HSPG2: variants seen among roughly 807,000 people sequenced by gnomAD.
The protein encoded by HSPG2 is heparan sulfate proteoglycan 2.
In HSPG2, 278 loss-of-function variants were observed where a neutral mutation model predicts 526.6. The ratio of observed to expected loss-of-function variants is 0.53; its 90% confidence interval spans 0.48 to 0.58. The LOEUF (loss-of-function observed/expected upper bound fraction) is 0.58. Ranked by LOEUF, HSPG2 falls within the 20% of genes least tolerant of loss-of-function variation. The pLI, the probability that HSPG2 is intolerant of heterozygous loss-of-function variation, is 0.00. For synonymous variants in HSPG2, 2,465 were observed against 2,555.4 expected (o/e 0.96, Z 1.07); for missense variants, 5,354 against 6,099.5 (o/e 0.88, Z 4.07).
chr1:21,900,842 A>G (rs1643060920), intron 1 of HSPG2, among the ~76,000 whole-genome samples: 1 of 152,018 alleles, frequency 6.6e-6, no homozygotes. Context: ...CCGAGATTGC[A>G]CCACTGTACT....
At chr1:21,892,726 T>C (rs1642453921) in intron 3 of HSPG2, among the ~76,000 whole-genome samples, 1 of 151,918 alleles carries the variant, frequency 6.6e-6, no homozygotes. Flanking sequence ...GGCGTGGTAG[T>C]GCATGCCTGT....
chr1:21,928,632 G>A (rs1475874190), intron 1 of HSPG2, among the ~76,000 whole-genome samples: 2 of 152,058 alleles, frequency 1.3e-5, no homozygotes, highest in Non-Finnish European at 2.9e-5. Flanking sequence ...TAGTAGAGAC[G>A]GGGTTTCACC....
In HSPG2 at chr1:21,865,421, G is replaced by C; in HGVS notation, c.4315-56C>G. ...AGCCGAGGGGTCCCTGGGGTGCCAG[G>C]GTGTCCTCCACCAGTCCTAGATTCT... On this transcript the variant is annotated intron_variant, in intron 34 of 96. Transcript: ENST00000374695. The surrounding 1 kb of genome is among the most constrained non-coding windows in gnomAD (Gnocchi z 5.4). The C allele has an allele frequency of 4.0e-6, 6 of 1,514,910 alleles. No individual in the cohort carries two copies. Among genetic ancestry groups the C allele is most frequent in the Non-Finnish European group, 5.5e-6 (6 of 1,090,920 alleles). 93.8% of individuals were successfully genotyped at this position (1,514,910 alleles called of 1,614,324 possible).
chr1:21,842,646 G>A (rs7536441), intron 67 of HSPG2, 124 bp downstream of exon 67: 8 of 1,309,340 alleles, frequency 6.1e-6, no homozygotes, highest in African/African-American at 4.4e-5. Context: ...AACTCGTCCC[G>A]CAAACGTATT....
chr1:21,915,067 GGCCTTTGTT>G lies in HSPG2; in HGVS notation c.64-18766_64-18758del, dbSNP rs545433036. Among the ~76,000 whole-genome samples, 40 of 20,888 alleles carry G rather than the reference GGCCTTTGTT, an allele frequency of 1.9e-3. 2 individuals are homozygous for G. In the South Asian group the frequency reaches 0.28, roughly 145 times the overall value. The allele number at this position is 20,888 out of a possible 152,430, so 13.7% of individuals were successfully genotyped here. On this transcript the variant is annotated intron_variant, in intron 1 of 96. Transcript: ENST00000374695. Reference sequence around the variant, plus strand: ...CTGACCAGGCGGAGGGTCCATGATTGGCCTTTGTTACCTTTGTTACCAAGGGTGCCAGCG... The same window carrying G: ...CTGACCAGGCGGAGGGTCCATGATTGACCTTTGTTACCAAGGGTGCCAGCG...
chr1:21,838,767 T>C lies in HSPG2; in HGVS notation c.10150+58A>G, dbSNP rs979541587. The C allele has an allele frequency of 6.3e-6, 10 of 1,582,630 alleles. No homozygotes were observed. In the African/African-American group the frequency reaches 1.3e-4, roughly 21 times the overall value. On this transcript the variant is annotated intron_variant, in intron 74 of 96. Transcript: ENST00000374695. The stretch of plus-strand genomic sequence containing the variant: ...TCCCACCCGAGTCTGCCTAGCTGGG[T>C]CATCAAAGGGCCAGGAGGAAAGGTG...
intron 87 of HSPG2, 24 bp from the exon 88 acceptor site, chr1:21,829,103 TGGGCACATGG>T (rs2097990406): frequency 6.5e-7 from 1 of 1,529,820 alleles, no homozygotes; most frequent in African/African-American, 1.4e-5. Context: ...CAGGCAGGGT[TGGGCACATGG>T]GGGCACACGG....
At position 21,846,592 on chromosome 1, in the gene HSPG2, G is replaced by A. The variant is rs773666902; in HGVS notation, c.8172C>T (p.Gly2724=). ...ACTCAATTCTGATGGGCATGGAGCT[G>A]CCAGGGGCTGGGGGAACAGAGATCA... ...SPSAGSPSAP[G]SSMPIRIESS... The change falls in exon 63 of 97, where the codon GGC becomes GGT. Residue 2724 remains glycine, a synonymous_variant. Transcript: ENST00000374695. 14 of 1,613,606 alleles carry A rather than the reference G, an allele frequency of 8.7e-6. No individual in the cohort carries two copies. The highest frequency in any genetic ancestry group is 1.0e-5 in the Non-Finnish European group (12 of 1,180,040).
rs376529257 is a variant in HSPG2, at chr1:21,831,826, A to T, written c.11208-30T>A. 3.8e-6 allele frequency: 6 copies of T among 1,575,468 alleles called. No homozygotes were observed. In the African/African-American group the frequency reaches 8.1e-5, roughly 21 times the overall value. On this transcript the variant is annotated intron_variant, in intron 81 of 96. Transcript: ENST00000374695. ...TCCGTGGGGCAGGCCGGGGCAGGAG[A>T]GAGTGGATAGGGGGTTTGTAAGAAG...
In HSPG2 at chr1:21,833,229, C is replaced by T. The variant is rs1466620410; in HGVS notation, c.11095+39G>A. On this transcript the variant is annotated intron_variant, in intron 80 of 96. Coordinates refer to ENST00000374695, the MANE Select transcript of HSPG2 (RefSeq NM_005529.7). ...CAGTTACTCCACGAGGTCCCTCAACCCAGGCCAGCCCACCCCGCAAATTAA... is the reference window on the plus strand; with the variant it reads ...CAGTTACTCCACGAGGTCCCTCAACTCAGGCCAGCCCACCCCGCAAATTAA... 3 of 1,560,496 alleles carry T rather than the reference C, an allele frequency of 1.9e-6. No homozygotes were observed. The African/African-American group carries it at 4.1e-5, about 21-fold the overall frequency.
intron 33 of HSPG2, among the ~76,000 whole-genome samples, chr1:21,866,978 C>G (rs763056878): frequency 8.5e-5 from 13 of 152,084 alleles, no homozygotes; most frequent in Non-Finnish European, 1.5e-4. Flanking sequence ...CTTTGAATGC[C>G]AGAAAGTTCA....
Position 21,875,849 on chromosome 1 carries a change from A to T in HSPG2, c.3183+14T>A. ...CTGCCCGCACCCCTACCCCCAGGGG[A>T]CAGTATTGCTCACCTCCCGGAAAGG... is the stretch of plus-strand genomic sequence containing the variant. On this transcript the variant is annotated intron_variant, in intron 24 of 96. Coordinates refer to ENST00000374695, the MANE Select transcript of HSPG2 (RefSeq NM_005529.7). 6.2e-7 allele frequency: 1 copy of T among 1,613,590 alleles called. No individual in the cohort carries two copies. Among genetic ancestry groups the T allele is most frequent in the Non-Finnish European group, 8.5e-7 (1 of 1,179,880 alleles).
At chr1:21,845,934 C>T (rs934919761) in intron 64 of HSPG2, among the ~76,000 whole-genome samples, 174 bp downstream of exon 64, 2 of 152,354 alleles carry the variant, frequency 1.3e-5, no homozygotes, top group South Asian at 2.1e-4. Context: ...AACCACTCCA[C>T]CTGAGCCGGC....
Position 21,850,365 on chromosome 1 carries a change from G to A in HSPG2, c.7292C>T (p.Pro2431Leu). Residue 2431 changes from proline to leucine, a missense_variant and splice_region_variant, in exon 56 of 97, where the codon CCT (proline) becomes CTT (leucine). Physicochemically the swap from Pro to Leu is moderately conservative, Grantham distance 98. Coordinates refer to ENST00000374695, the MANE Select transcript of HSPG2 (RefSeq NM_005529.7). The part of the protein sequence containing the change: ...LVTIEPAGSV[P>L]ALGVTPTVRI... ...TGCCCTCCCTGAGAGCTACTCACCAGGCACTGAGCCCGCAGGCTCAATGGT... is the reference window on the plus strand; with the variant it reads ...TGCCCTCCCTGAGAGCTACTCACCAAGCACTGAGCCCGCAGGCTCAATGGT... The A allele has an allele frequency of 6.4e-7, 1 of 1,574,394 alleles. No homozygotes were observed.
chr1:21,839,164 G>C lies in HSPG2; in HGVS notation c.9890-79C>G. The C allele has an allele frequency of 6.5e-7, 1 of 1,529,144 alleles. No homozygotes were observed. The highest frequency in any genetic ancestry group is 8.8e-7 in the Non-Finnish European group (1 of 1,131,218). 94.7% of individuals were successfully genotyped at this position (1,529,144 alleles called of 1,614,324 possible). ...AGCAGGTCGTTGGATCCAGTGTCCAGGGAAGCTGAATGGTGAGCCCAGAGG... is the reference window on the plus strand; with the variant it reads ...AGCAGGTCGTTGGATCCAGTGTCCACGGAAGCTGAATGGTGAGCCCAGAGG... On this transcript the variant is annotated intron_variant, in intron 73 of 96. Coordinates refer to ENST00000374695, the MANE Select transcript of HSPG2 (RefSeq NM_005529.7). This position sits in a 1 kb window ranked among gnomAD's most constrained non-coding sequence, Gnocchi z 4.5.
At chr1:21,869,828 G>A (rs988479038) in intron 33 of HSPG2, among the ~76,000 whole-genome samples, 2 of 152,248 alleles carry the variant, frequency 1.3e-5, no homozygotes, top group Non-Finnish European at 2.9e-5. Flanking sequence ...CTGCCCTCTT[G>A]TTCCTCCTGA....
At position 21,884,579 on chromosome 1, in the gene HSPG2, G is replaced by T; in HGVS notation, c.1603C>A (p.Arg535Ser). 2 of 1,610,790 alleles carry T rather than the reference G, an allele frequency of 1.2e-6. No homozygotes were observed. The highest frequency in any genetic ancestry group is 8.5e-7 in the Non-Finnish European group (1 of 1,179,754). Residue 535 changes from arginine to serine, a missense_variant, in exon 13 of 97, where the codon CGC (arginine) becomes AGC (serine). By Grantham distance (110) the Arg-to-Ser change is moderately radical. Coordinates refer to ENST00000374695, the MANE Select transcript of HSPG2 (RefSeq NM_005529.7). ...CGCAGCCTGATCTGGTCCCGGAAGC[G>T]GCGGGTGCTCTGGCACACGCTGGTG... ...GITSVCQSTRRFRDQIRLRFD... is the reference protein window; with the variant it reads ...GITSVCQSTRSFRDQIRLRFD...
intron 1 of HSPG2, among the ~76,000 whole-genome samples, chr1:21,926,066 G>C (rs1443326081): frequency 6.6e-6 from 1 of 152,070 alleles, no homozygotes; most frequent in Non-Finnish European, 1.5e-5. Context: ...CTAGCCTCAA[G>C]CAATCTGCCC....
chr1:21,822,974 G>A lies in HSPG2; in HGVS notation c.*342C>T. The A allele has an allele frequency of 4.5e-6, 1 of 223,558 alleles. No homozygotes were observed. Among genetic ancestry groups the A allele is most frequent in the Non-Finnish European group, 8.8e-6 (1 of 113,914 alleles). The allele number at this position is 223,558 out of a possible 1,614,324, so 13.8% of individuals were successfully genotyped here. On this transcript the variant is annotated 3_prime_UTR_variant, in exon 97 of 97. Transcript: ENST00000374695. ...TAGGAGTGAGAACTGCCCAAGGGCT[G>A]CAGAAACAGGCCACCCAGCTCTATC...
Sources: gnomAD v4.1 joint callset for allele counts (sites outside exome capture counted in the v4.1 genomes callset) on GRCh38, gnomAD v4.1.1 for gene constraint, Gnocchi (gnomAD v3.1) non-coding constraint, MANE v1.5 for transcripts, NCBI Gene and HGNC (gene_info 2026-07-23, HGNC 2026-07-21) for gene names.